Variants in PPM1H observed in about 807,000 individuals in gnomAD.
PPM1H encodes the protein protein phosphatase 1H.
PPM1H carries 27 observed loss-of-function variants against 54.9 expected under a neutral mutation model. That is an observed-to-expected ratio of 0.49 (90% CI 0.36 to 0.68). The LOEUF (loss-of-function observed/expected upper bound fraction) is 0.68, where lower values mean the gene tolerates loss of function less well. Ranked by LOEUF, PPM1H falls within the 30% of genes least tolerant of loss-of-function variation. The pLI is 0.00. For missense variants in PPM1H, 596 were observed against 667.8 expected (o/e 0.89, Z 1.19); for synonymous variants, 305 against 270.8 (o/e 1.13, Z -1.24).
chr12:62,700,588 C>T (rs1358432243), intron 6 of PPM1H, among the ~76,000 whole-genome samples: 1 of 152,172 alleles, frequency 6.6e-6, no homozygotes, highest in East Asian at 1.9e-4. Context: ...TCAACACCTT[C>T]CCTGCTGTCA....
chr12:62,778,042 C>T (rs2076621402), intron 4 of PPM1H, among the ~76,000 whole-genome samples: 1 of 152,104 alleles, frequency 6.6e-6, no homozygotes, highest in African/African-American at 2.4e-5. Context: ...CCTCTTTCTT[C>T]ACTATGTTTG....
chr12:62,915,377 G>T (rs965822769), intron 1 of PPM1H, among the ~76,000 whole-genome samples: 2 of 152,244 alleles, frequency 1.3e-5, no homozygotes, highest in Admixed American at 6.5e-5. Flanking sequence ...CACTGGCTCT[G>T]CTCCCTGCGT....
At position 62,662,544 on chromosome 12, in the gene PPM1H, T is replaced by C. The variant is rs116501543; in HGVS notation, c.1397+4634A>G. On this transcript the variant is annotated intron_variant, in intron 9 of 9. Coordinates refer to ENST00000228705, the MANE Select transcript of PPM1H (RefSeq NM_020700.2). ...CTTATTATCTATTAGGCACTTCACC[T>C]AATAATATATATGCATGAGGTTAAT... Among the ~76,000 whole-genome samples, 318 of 152,266 alleles carry C rather than the reference T, an allele frequency of 2.1e-3. 5 individuals carry two copies. Among genetic ancestry groups the C allele is most frequent in the African/African-American group, 7.1e-3 (297 of 41,558 alleles).
intron 4 of PPM1H, among the ~76,000 whole-genome samples, chr12:62,742,374 T>C (rs1173315641): frequency 2.0e-5 from 3 of 152,238 alleles, no homozygotes; most frequent in Non-Finnish European, 4.4e-5. Flanking sequence ...TCCTATGTGA[T>C]CCTTGGCTTC....
At chr12:62,653,979 C>G (rs7979597) in intron 9 of PPM1H, among the ~76,000 whole-genome samples, 17,581 of 151,996 alleles carry the variant, frequency 0.12, 1,228 homozygotes, top group East Asian at 0.17. Context: ...CAGTGGCTTA[C>G]GCTTGTAATC....
At chr12:62,701,649 C>T (rs11174607) in intron 6 of PPM1H, among the ~76,000 whole-genome samples, 13,142 of 151,934 alleles carry the variant, frequency 0.086, 881 homozygotes, top group East Asian at 0.27. Context: ...CACTCTGCTA[C>T]GCCTTGTAAC....
intron 6 of PPM1H, among the ~76,000 whole-genome samples, chr12:62,711,980 C>A (rs1396718428): frequency 6.6e-6 from 1 of 152,212 alleles, no homozygotes; most frequent in Non-Finnish European, 1.5e-5. Context: ...AGGAGATGTG[C>A]TGCACACAGC....
intron 3 of PPM1H, 25 bp from the exon 4 acceptor site, chr12:62,788,363 T>G (rs1367303975): frequency 3.6e-6 from 5 of 1,407,934 alleles, no homozygotes; most frequent in Non-Finnish European, 4.9e-6. Context: ...AGAGTTAGTG[T>G]TGGATTGTGC....
intron 6 of PPM1H, among the ~76,000 whole-genome samples, chr12:62,698,968 T>A (rs2076128737): frequency 6.6e-6 from 1 of 152,166 alleles, no homozygotes. Flanking sequence ...CAGCTGTCTA[T>A]GCTATATCAT....
intron 1 of PPM1H, chr12:62,850,781 C>G (rs1391943386): frequency 6.6e-6 from 1 of 151,400 alleles, no homozygotes; most frequent in Non-Finnish European, 1.5e-5. Context: ...ACAAATCATG[C>G]AGTCGAGTTT....
chr12:62,667,476 C>A, intron 8 of PPM1H, 147 bp from the exon 9 acceptor site: 1 of 719,848 alleles, frequency 1.4e-6, no homozygotes, highest in Non-Finnish European at 2.2e-6. Flanking sequence ...ATACAGCGAG[C>A]TGTGTGGCCA....
intron 4 of PPM1H, among the ~76,000 whole-genome samples, chr12:62,787,899 C>T (rs898250190): frequency 1.3e-5 from 2 of 152,164 alleles, no homozygotes; most frequent in African/African-American, 4.8e-5. Flanking sequence ...TCCAAACACC[C>T]AGGGCACTCG....
At chr12:62,832,529 G>A (rs975907433) in intron 1 of PPM1H, among the ~76,000 whole-genome samples, 2 of 152,206 alleles carry the variant, frequency 1.3e-5, no homozygotes, top group African/African-American at 4.8e-5. Context: ...ACAGGTGTCT[G>A]ATAGATGTGA....
intron 1 of PPM1H, among the ~76,000 whole-genome samples, chr12:62,838,334 TGTG>T (rs1233179203): frequency 1.1e-5 from 1 of 94,400 alleles, no homozygotes; most frequent in African/African-American, 5.9e-5. Flanking sequence ...AGTGTGTGTG[TGTG>T]TGGGGGGGGG....
chr12:62,760,382 AC>A (rs1479226941), intron 4 of PPM1H, among the ~76,000 whole-genome samples: 7 of 151,698 alleles, frequency 4.6e-5, no homozygotes, highest in African/African-American at 1.7e-4. Context: ...CTTTCTACTA[AC>A]CCATCTGACC....
At chr12:62,852,847 G>A (rs1453558990) in intron 1 of PPM1H, among the ~76,000 whole-genome samples, 1 of 152,202 alleles carries the variant, frequency 6.6e-6, no homozygotes, top group Non-Finnish European at 1.5e-5. Context: ...ATCTCCTGAT[G>A]TGACGCAACT....
At chr12:62,740,046 T>C (rs1348097971) in intron 4 of PPM1H, among the ~76,000 whole-genome samples, 2 of 152,196 alleles carry the variant, frequency 1.3e-5, no homozygotes, top group Non-Finnish European at 2.9e-5. Context: ...AACAAAACCA[T>C]GCTAAAGCAT....
intron 4 of PPM1H, among the ~76,000 whole-genome samples, chr12:62,785,912 G>A (rs539665896): frequency 6.6e-6 from 1 of 151,838 alleles, no homozygotes; most frequent in South Asian, 2.1e-4. Flanking sequence ...GTTGAGTCTC[G>A]AAGAACAGTC....
At position 62,866,198 on chromosome 12, in the gene PPM1H, G is replaced by A. The variant is rs139517522; in HGVS notation, c.246-33919C>T. On this transcript the variant is annotated intron_variant, in intron 1 of 9. Transcript: ENST00000228705. The stretch of plus-strand genomic sequence containing the variant: ...TCCCTTGATCTCAGCAGGGCTCCCC[G>A]ACCCTGTCCTTTTGATGTCTTGCTA... 9.9e-5 allele frequency among the ~76,000 whole-genome samples: 15 copies of A among 152,172 alleles called. No individual in the cohort carries two copies. The East Asian group carries it at 2.7e-3, about 27-fold the overall frequency.
Sources: gnomAD v4.1 joint callset for allele counts (sites outside exome capture counted in the v4.1 genomes callset) on GRCh38, gnomAD v4.1.1 for gene constraint, MANE v1.5 for transcripts, NCBI Gene and HGNC (gene_info 2026-07-23, HGNC 2026-07-21) for gene names.